The following DMD variants were observed in gnomAD, a reference collection of about 807,000 sequenced individuals.
DMD encodes dystrophin.
A neutral mutation model predicts 330.1 loss-of-function variants in DMD; 63 were observed. The observed-to-expected ratio is 0.19, with a 90% CI of 0.16 to 0.24. DMD has a LOEUF of 0.24. Among genes scored for constraint, DMD ranks in the 10% least tolerant of loss-of-function variants. The pLI, the probability that DMD is intolerant of heterozygous loss-of-function variation, is 1.00. For synonymous variants in DMD, 1,223 were observed against 959.8 expected (o/e 1.27, Z -5.07); for missense variants, 3,344 against 2,684.1 (o/e 1.25, Z -5.43).
chrX:33,191,433 G>A (rs763646852), intron 1 of DMD, among the ~76,000 whole-genome samples: 44 of 99,665 alleles, frequency 4.4e-4, no homozygotes, highest in African/African-American at 1.4e-3. Context: ...CTTTTTTTTC[G>A]TTTTTTTTGA....
intron 22 of DMD, among the ~76,000 whole-genome samples, chrX:32,471,774 A>G (rs2040655728): frequency 8.9e-6 from 1 of 111,833 alleles, no homozygotes; most frequent in Non-Finnish European, 1.9e-5. Flanking sequence ...TTCCCCATGG[A>G]TACGAAGGGA....
chrX:31,528,100 T>G lies in DMD; in HGVS notation c.8218-20647A>C, dbSNP rs191734855. Among the ~76,000 whole-genome samples, 10 of 111,812 alleles carry G rather than the reference T, an allele frequency of 8.9e-5. No individual in the cohort carries two copies. In the East Asian group the frequency reaches 2.0e-3, roughly 22 times the overall value. On this transcript the variant is annotated intron_variant, in intron 55 of 78. Transcript: ENST00000357033. ...GCAGAGATTTCCCATCACAGAAGGA[T>G]AGGAATTGAGGAAGGCAAGTGGATT... is the stretch of plus-strand genomic sequence containing the variant.
intron 7 of DMD, among the ~76,000 whole-genome samples, chrX:32,797,451 T>C (rs886563063): frequency 8.9e-6 from 1 of 112,775 alleles, no homozygotes; most frequent in African/African-American, 3.2e-5. Flanking sequence ...TTTATTCTCA[T>C]TTACCATCAT....
At chrX:32,736,537 G>C (rs113101851) in intron 7 of DMD, among the ~76,000 whole-genome samples, 10,872 of 109,930 alleles carry the variant, frequency 0.099, 1,474 homozygotes, top group African/African-American at 0.34. Context: ...CAATGATAGA[G>C]TGGATTAAGA....
At chrX:31,347,609 T>TA (rs1368674044) in intron 61 of DMD, among the ~76,000 whole-genome samples, 4 of 112,437 alleles carry the variant, frequency 3.6e-5, no homozygotes, top group East Asian at 2.8e-4. Context: ...AGATACCACA[T>TA]ATTCTTTATC....
intron 1 of DMD, among the ~76,000 whole-genome samples, chrX:33,327,800 A>G (rs1205257791): frequency 9.0e-6 from 1 of 111,546 alleles, no homozygotes; most frequent in Admixed American, 9.6e-5. Flanking sequence ...TCTGGTTCTG[A>G]TTAGAGCTGT....
At chrX:32,768,258 G>A (rs1268876077) in intron 7 of DMD, among the ~76,000 whole-genome samples, 3 of 111,985 alleles carry the variant, frequency 2.7e-5, no homozygotes, top group East Asian at 2.8e-4. Flanking sequence ...TTAGATTTCC[G>A]TCAGATGCTG....
chrX:32,696,851 A>T (rs1035937985), intron 9 of DMD, among the ~76,000 whole-genome samples: 3 of 111,210 alleles, frequency 2.7e-5, no homozygotes, highest in Non-Finnish European at 5.7e-5. Flanking sequence ...GAGTGAGAAG[A>T]GAGCTTTGCA....
chrX:31,976,532 A>G (rs2095437261), intron 44 of DMD, among the ~76,000 whole-genome samples: 1 of 111,259 alleles, frequency 9.0e-6, no homozygotes, highest in Non-Finnish European at 1.9e-5. Flanking sequence ...TCTAATATGT[A>G]TTATTTTCAT....
chrX:32,790,823 T>C (rs1222974335), intron 7 of DMD, among the ~76,000 whole-genome samples: 1 of 111,394 alleles, frequency 9.0e-6, no homozygotes, highest in African/African-American at 3.3e-5. Context: ...AAAGCAACCT[T>C]ACCCTCTCCA....
intron 12 of DMD, among the ~76,000 whole-genome samples, chrX:32,606,602 T>G (rs777432176): frequency 4.6e-5 from 5 of 109,399 alleles, no homozygotes; most frequent in African/African-American, 6.6e-5. Context: ...AAAAGCTACC[T>G]GCAGTTGTAT....
At chrX:32,311,549 T>A (rs1475295114) in intron 41 of DMD, among the ~76,000 whole-genome samples, 1 of 111,803 alleles carries the variant, frequency 8.9e-6, no homozygotes, top group East Asian at 2.8e-4. Flanking sequence ...ATTGCACAAA[T>A]TAGCTATTAA....
Position 32,914,341 on chromosome X carries a change from C to A in DMD, c.94-64521G>T, listed in dbSNP as rs150050423. Among the ~76,000 whole-genome samples, 731 of 112,001 alleles carry A rather than the reference C, an allele frequency of 6.5e-3. 6 individuals carry two copies. Among genetic ancestry groups the A allele is most frequent in the African/African-American group, 0.023 (698 of 30,857 alleles). ...TCCTAGAAATAAAAAAAGCTGTCAG[C>A]TCGGTACAGACCAGAGCTTGAGAGC... is the stretch of plus-strand genomic sequence containing the variant. On this transcript the variant is annotated intron_variant, in intron 2 of 78. Transcript: ENST00000357033.
intron 44 of DMD, among the ~76,000 whole-genome samples, chrX:32,020,164 A>G (rs936164503): frequency 1.8e-5 from 2 of 112,445 alleles, no homozygotes; most frequent in African/African-American, 6.5e-5. Context: ...CTTTCAATTA[A>G]AAGTTGCAAT....
intron 61 of DMD, among the ~76,000 whole-genome samples, chrX:31,333,098 C>T (rs5972375): frequency 0.072 from 7,974 of 111,438 alleles, 262 homozygotes; most frequent in Middle Eastern, 0.12. Context: ...AAAACATGAA[C>T]GGAGACAAAT....
chrX:32,806,990 G>T (rs1253740198), intron 7 of DMD, among the ~76,000 whole-genome samples: 1 of 108,735 alleles, frequency 9.2e-6, no homozygotes, highest in Non-Finnish European at 1.9e-5. Flanking sequence ...AGGAGAAAGC[G>T]GGAAAGATCT....
chrX:33,042,234 A>G (rs921165272), intron 1 of DMD, among the ~76,000 whole-genome samples: 1 of 112,104 alleles, frequency 8.9e-6, no homozygotes, highest in Admixed American at 9.5e-5. Context: ...TCATCTAAAA[A>G]GTACAAGACT....
At chrX:32,954,141 G>A (rs969267535) in intron 2 of DMD, among the ~76,000 whole-genome samples, 7 of 112,007 alleles carry the variant, frequency 6.2e-5, no homozygotes, top group Non-Finnish European at 1.3e-4. Flanking sequence ...AATGTTTATC[G>A]AATTTAAGAC....
rs780877441 is a variant in DMD, at chrX:32,962,325, A to G, written c.93+57814T>C. 1.2e-4 allele frequency among the ~76,000 whole-genome samples: 13 copies of G among 112,099 alleles called. No individual in the cohort carries two copies. In the South Asian group the frequency reaches 3.7e-3, roughly 32 times the overall value. On this transcript the variant is annotated intron_variant, in intron 2 of 78. Coordinates refer to ENST00000357033, the MANE Select transcript of DMD (RefSeq NM_004006.3). ...CTTTTCTGTACTTCTGTTTTATTTG[A>G]TTTGAAAATATGATTTGTTGTTGTA...
Sources: allele counts gnomAD v4.1 joint callset (sites outside exome capture counted in the v4.1 genomes callset), GRCh38; gene constraint gnomAD v4.1.1; transcripts MANE v1.5; gene names NCBI Gene and HGNC (gene_info 2026-07-23, HGNC 2026-07-21).